VAT1L: variants seen among roughly 807,000 people sequenced by gnomAD.
The protein encoded by VAT1L is putative NADPH-dependent quinone oxidoreductase VAT1L.
VAT1L carries 34 observed loss-of-function variants against 44.1 expected under a neutral mutation model. The ratio of observed to expected loss-of-function variants is 0.77; its 90% CI spans 0.59 to 1.03. The LOEUF is 1.03. VAT1L is among the 50% of genes least tolerant of loss of function. The probability of loss-of-function intolerance (pLI) is 0.00; values close to 1 mark genes in which losing one functional copy is unlikely to be tolerated. For synonymous variants in VAT1L, 253 were observed against 202.2 expected (o/e 1.25, Z -2.13); for missense variants, 615 against 538.8 (o/e 1.14, Z -1.40).
intron 3 of VAT1L, 34 bp downstream of exon 3, chr16:77,825,495 G>C (rs199581723): frequency 1.9e-6 from 3 of 1,551,002 alleles, no homozygotes; most frequent in Admixed American, 3.9e-5. Flanking sequence ...TCTTCTTTAA[G>C]GTCATGATGG....
chr16:77,902,972 G>GAAAAAAAAA (rs11307214), intron 7 of VAT1L, among the ~76,000 whole-genome samples: 24 of 96,334 alleles, frequency 2.5e-4, no homozygotes, highest in Non-Finnish European at 4.1e-4. Context: ...GACTCTGTCT[G>GAAAAAAAAA]AAAAAAAAAA....
chr16:77,918,212 T>G (rs1282072911), intron 7 of VAT1L, among the ~76,000 whole-genome samples: 1 of 152,152 alleles, frequency 6.6e-6, no homozygotes, highest in Non-Finnish European at 1.5e-5. Context: ...CTGTTTATTC[T>G]GTGGTGTCTC....
At chr16:77,828,137 A>G (rs1052892342) in intron 3 of VAT1L, among the ~76,000 whole-genome samples, 1 of 152,168 alleles carries the variant, frequency 6.6e-6, no homozygotes, top group Admixed American at 6.5e-5. Flanking sequence ...ATATGTGAAC[A>G]CTCCGCTGAG....
At chr16:77,975,248 C>T (rs1222103481) in intron 8 of VAT1L, among the ~76,000 whole-genome samples, 1 of 126,056 alleles carries the variant, frequency 7.9e-6, no homozygotes, top group Non-Finnish European at 1.6e-5. Context: ...CTCATTCTGT[C>T]ACCCAGGCTG....
At chr16:77,901,862 A>G (rs775144099) in intron 7 of VAT1L, among the ~76,000 whole-genome samples, 2 of 152,204 alleles carry the variant, frequency 1.3e-5, no homozygotes, top group Admixed American at 6.5e-5. Context: ...CAATTTCAAG[A>G]ACAACTGTCA....
chr16:77,859,696 A>G (rs2016896477), intron 3 of VAT1L, among the ~76,000 whole-genome samples: 1 of 152,202 alleles, frequency 6.6e-6, no homozygotes, highest in African/African-American at 2.4e-5. Flanking sequence ...GACAGTTATA[A>G]GAGCTGTCGA....
chr16:77,850,774 C>A (rs1361539467), intron 3 of VAT1L, among the ~76,000 whole-genome samples: 1 of 152,132 alleles, frequency 6.6e-6, no homozygotes, highest in African/African-American at 2.4e-5. Context: ...TACAGTCATC[C>A]AGGAAATGTA....
chr16:77,932,557 G>A (rs1271644245), intron 7 of VAT1L, among the ~76,000 whole-genome samples: 2 of 152,184 alleles, frequency 1.3e-5, no homozygotes, highest in Non-Finnish European at 2.9e-5. Flanking sequence ...AAGTTCACAA[G>A]ATTTTGGTGT....
At chr16:77,834,735 T>A (rs1716748672) in intron 3 of VAT1L, among the ~76,000 whole-genome samples, 1 of 152,190 alleles carries the variant, frequency 6.6e-6, no homozygotes, top group South Asian at 2.1e-4. Flanking sequence ...GCCCTTGACA[T>A]CACCTACCAT....
Position 77,907,286 on chromosome 16 carries a change from G to C in VAT1L, c.1077+22484G>C, listed in dbSNP as rs141592301. Among the ~76,000 whole-genome samples the C allele has an allele frequency of 2.5e-3, 384 of 152,302 alleles. 8 individuals carry two copies. In the East Asian group the frequency reaches 0.026, roughly 10 times the overall value. Reference sequence around the variant, plus strand: ...GTTCCACAGAGTTGGCTGACAATACGATGGCCTGAAGGGCAGATTCCACCA... The same window carrying C: ...GTTCCACAGAGTTGGCTGACAATACCATGGCCTGAAGGGCAGATTCCACCA... On this transcript the variant is annotated intron_variant, in intron 7 of 8. Transcript: ENST00000302536.
At chr16:77,977,254 C>G (rs1035946353) in intron 8 of VAT1L, among the ~76,000 whole-genome samples, 5 of 152,182 alleles carry the variant, frequency 3.3e-5, no homozygotes, top group African/African-American at 1.2e-4. Flanking sequence ...CAGGGTCTCT[C>G]AGAGGTCCCC....
chr16:77,862,761 C>G lies in VAT1L; in HGVS notation c.593C>G (p.Ala198Gly), dbSNP rs1319412772. ...SAGGGVGQAVAQLCSTVPNVT... is the reference protein window; with the variant it reads ...SAGGGVGQAVGQLCSTVPNVT... ...TTTTCCTTCCAGGGTCAAGCTGTGG[C>G]TCAGCTGTGTTCCACTGTCCCCAAC... Residue 198 changes from alanine to glycine, a missense_variant, in exon 4 of 9, where the codon GCT (alanine) becomes GGT (glycine). By Grantham distance (60) the Ala-to-Gly change is moderately conservative. Transcript: ENST00000302536. 2 of 1,613,624 alleles carry G rather than the reference C, an allele frequency of 1.2e-6. No homozygotes were observed.
chr16:77,900,425 G>A (rs182534075), intron 7 of VAT1L, among the ~76,000 whole-genome samples: 138 of 152,194 alleles, frequency 9.1e-4, no homozygotes, highest in African/African-American at 3.2e-3. Context: ...CGGGCAAGGT[G>A]GCTCACATCT....
chr16:77,934,734 G>A (rs1035492853), intron 7 of VAT1L, among the ~76,000 whole-genome samples: 3 of 152,132 alleles, frequency 2.0e-5, no homozygotes, highest in African/African-American at 4.8e-5. Context: ...AGAGAACAGA[G>A]GGAGACAGGG....
intron 7 of VAT1L, among the ~76,000 whole-genome samples, chr16:77,926,257 TA>T (rs34182080): frequency 0.5 from 56,020 of 112,784 alleles, 12,856 homozygotes; most frequent in African/African-American, 0.65. Flanking sequence ...CGTCTCAAAG[TA>T]AAAAAAAAAA....
At chr16:77,842,920 C>T (rs1222945930) in intron 3 of VAT1L, among the ~76,000 whole-genome samples, 3 of 152,214 alleles carry the variant, frequency 2.0e-5, no homozygotes, top group Admixed American at 6.5e-5. Context: ...GACAAGCATG[C>T]TGCTCAGTGC....
chr16:77,967,467 C>T (rs936234413), intron 7 of VAT1L, among the ~76,000 whole-genome samples: 2 of 152,154 alleles, frequency 1.3e-5, no homozygotes, highest in African/African-American at 4.8e-5. Flanking sequence ...TCAACATTGT[C>T]ATCAGAAAGG....
chr16:77,854,218 A>G (rs1369572254), intron 3 of VAT1L, among the ~76,000 whole-genome samples: 3 of 152,006 alleles, frequency 2.0e-5, no homozygotes, highest in African/African-American at 7.3e-5. Flanking sequence ...CCTCTCTCCT[A>G]TCTCAGCCAT....
chr16:77,836,001 C>A (rs1025751286), intron 3 of VAT1L, among the ~76,000 whole-genome samples: 2 of 152,156 alleles, frequency 1.3e-5, no homozygotes, highest in Non-Finnish European at 2.9e-5. Flanking sequence ...CCAGCTCCAT[C>A]TTCCTAACCA....
Sources: allele counts gnomAD v4.1 joint callset (sites outside exome capture counted in the v4.1 genomes callset), GRCh38; gene constraint gnomAD v4.1.1; transcripts MANE v1.5; gene names NCBI Gene and HGNC (gene_info 2026-07-23, HGNC 2026-07-21).